CDH12: variants seen among roughly 807,000 people sequenced by gnomAD.
CDH12 encodes the protein cadherin 12.
A neutral mutation model predicts 74.1 loss-of-function variants in CDH12; 41 were observed. That is an observed-to-expected ratio of 0.55 (90% CI 0.43 to 0.72). The LOEUF (loss-of-function observed/expected upper bound fraction) is 0.72, where lower values mean the gene tolerates loss of function less well. Ranked by LOEUF, CDH12 falls within the 30% of genes least tolerant of loss-of-function variation. The pLI is 0.00. For missense variants in CDH12, 945 were observed against 977.2 expected (o/e 0.97, Z 0.44); for synonymous variants, 399 against 355.0 (o/e 1.12, Z -1.39).
intron 5 of CDH12, among the ~76,000 whole-genome samples, chr5:22,065,718 G>T (rs898374765): frequency 2.0e-5 from 3 of 152,194 alleles, no homozygotes; most frequent in African/African-American, 7.2e-5. Context: ...AGAACTTACA[G>T]TAGGAATTGT....
intron 5 of CDH12, among the ~76,000 whole-genome samples, chr5:22,053,720 C>A (rs374028859): frequency 6.6e-6 from 1 of 152,100 alleles, no homozygotes; most frequent in African/African-American, 2.4e-5. Flanking sequence ...ACATGGAAAG[C>A]AGAAAACACT....
chr5:22,125,104 T>C (rs776305570), intron 4 of CDH12, among the ~76,000 whole-genome samples: 3 of 152,218 alleles, frequency 2.0e-5, no homozygotes, highest in Non-Finnish European at 4.4e-5. Flanking sequence ...AACCATTTTT[T>C]TTTTTAACTT....
At chr5:22,519,957 T>A (rs1212733793) in intron 1 of CDH12, among the ~76,000 whole-genome samples, 1 of 152,182 alleles carries the variant, frequency 6.6e-6, no homozygotes, top group Non-Finnish European at 1.5e-5. Context: ...TATAAAATAA[T>A]AGACTTGTTT....
intron 4 of CDH12, among the ~76,000 whole-genome samples, chr5:22,080,592 G>C (rs1742657982): frequency 6.6e-6 from 1 of 152,076 alleles, no homozygotes; most frequent in African/African-American, 2.4e-5. Context: ...CTAGTCACAT[G>C]TGCCTTTTTA....
intron 4 of CDH12, among the ~76,000 whole-genome samples, chr5:22,191,571 T>A (rs1580380780): frequency 7.3e-6 from 1 of 137,154 alleles, no homozygotes; most frequent in African/African-American, 2.8e-5. Context: ...TTTTTATTTT[T>A]TTTTTTTTTT....
At chr5:21,920,044 G>A (rs1360774093) in intron 6 of CDH12, among the ~76,000 whole-genome samples, 1 of 151,970 alleles carries the variant, frequency 6.6e-6, no homozygotes, top group Non-Finnish European at 1.5e-5. Context: ...TTCATTTTTA[G>A]TAATATTAGG....
At chr5:21,769,506 A>T (rs1177949278) in intron 11 of CDH12, among the ~76,000 whole-genome samples, 1 of 152,156 alleles carries the variant, frequency 6.6e-6, no homozygotes, top group East Asian at 1.9e-4. Context: ...TCTATACTCA[A>T]AGGAAAGGAG....
At chr5:22,013,253 T>G (rs1737400540) in intron 5 of CDH12, among the ~76,000 whole-genome samples, 1 of 152,068 alleles carries the variant, frequency 6.6e-6, no homozygotes, top group South Asian at 2.1e-4. Context: ...GAAGGAGAAG[T>G]GCCGAGCAAA....
At chr5:21,997,394 CAT>C (rs965388531) in intron 5 of CDH12, among the ~76,000 whole-genome samples, 15 of 152,238 alleles carry the variant, frequency 9.9e-5, no homozygotes, top group East Asian at 9.6e-4. Flanking sequence ...TCTTTTATCA[CAT>C]GTTATATATT....
chr5:22,032,707 CAA>C (rs374314576), intron 5 of CDH12, among the ~76,000 whole-genome samples: 84 of 127,846 alleles, frequency 6.6e-4, no homozygotes, highest in African/African-American at 2.3e-3. Context: ...GATTCCATCT[CAA>C]AAAAAAAAAA....
At chr5:22,027,988 G>A (rs1260214300) in intron 5 of CDH12, among the ~76,000 whole-genome samples, 3 of 152,044 alleles carry the variant, frequency 2.0e-5, no homozygotes, top group Non-Finnish European at 4.4e-5. Flanking sequence ...TGCTTTGAAT[G>A]TGTCCCAGAG....
intron 6 of CDH12, among the ~76,000 whole-genome samples, chr5:21,858,718 G>A (rs570165417): frequency 1.3e-5 from 2 of 152,034 alleles, no homozygotes; most frequent in South Asian, 2.1e-4. Context: ...CTTATCTAAA[G>A]GGGAATGGGA....
At chr5:22,470,609 T>G (rs142415238) in intron 2 of CDH12, among the ~76,000 whole-genome samples, 248 of 151,952 alleles carry the variant, frequency 1.6e-3, no homozygotes, top group Non-Finnish European at 2.5e-3. Flanking sequence ...TTTGTAGAGA[T>G]AAGGTCTTGC....
At chr5:22,311,312 A>G (rs1463015429) in intron 3 of CDH12, among the ~76,000 whole-genome samples, 6 of 152,252 alleles carry the variant, frequency 3.9e-5, no homozygotes, top group African/African-American at 1.4e-4. Flanking sequence ...ACATTAAAAT[A>G]ACATAAATTA....
At chr5:22,537,989 A>G (rs1027972410) in intron 1 of CDH12, among the ~76,000 whole-genome samples, 1 of 152,160 alleles carries the variant, frequency 6.6e-6, no homozygotes, top group Admixed American at 6.5e-5. Flanking sequence ...GCAACCTTAT[A>G]TAGAAAAAGA....
chr5:22,058,531 T>TC (rs1369276038), intron 5 of CDH12, among the ~76,000 whole-genome samples: 1 of 151,978 alleles, frequency 6.6e-6, no homozygotes, highest in African/African-American at 2.4e-5. Context: ...TTTAGAGGGA[T>TC]CTAGTGTATT....
At chr5:22,647,503 G>A (rs1024311921) in intron 1 of CDH12, among the ~76,000 whole-genome samples, 1 of 151,682 alleles carries the variant, frequency 6.6e-6, no homozygotes, top group African/African-American at 2.4e-5. Flanking sequence ...TTCTGTTTCT[G>A]CTGAGGGCTC....
chr5:22,163,458 A>G (rs1044309750), intron 4 of CDH12, among the ~76,000 whole-genome samples: 1 of 152,186 alleles, frequency 6.6e-6, no homozygotes, highest in Non-Finnish European at 1.5e-5. Context: ...ATCCATGAAC[A>G]CACACACACC....
chr5:21,777,909 T>C (rs924594166), intron 11 of CDH12, among the ~76,000 whole-genome samples: 4 of 152,232 alleles, frequency 2.6e-5, no homozygotes, highest in Admixed American at 2.0e-4. Context: ...TCTAGCTAAT[T>C]AACATATGCA....
Sources: allele counts gnomAD v4.1 joint callset (sites outside exome capture counted in the v4.1 genomes callset), GRCh38; gene constraint gnomAD v4.1.1; transcripts MANE v1.5; gene names NCBI Gene and HGNC (gene_info 2026-07-23, HGNC 2026-07-21).